The following RBFOX1 variants were observed in gnomAD, a reference collection of about 807,000 sequenced individuals.
RBFOX1 encodes the protein RNA binding fox-1 homolog 1.
Under a neutral mutation model 57.7 loss-of-function variants are expected in RBFOX1, and 8 were observed. That is an observed-to-expected ratio of 0.14 (90% confidence interval 0.08 to 0.25). RBFOX1 has a LOEUF of 0.25. Among genes scored for constraint, RBFOX1 ranks in the 10% least tolerant of loss-of-function variants. The probability of loss-of-function intolerance (pLI) is 1.00; values close to 1 mark genes in which losing one functional copy is unlikely to be tolerated. For synonymous variants in RBFOX1, 326 were observed against 222.4 expected, an observed-to-expected ratio of 1.47 and a Z score of -4.15; for missense variants, 611 against 548.5, an observed-to-expected ratio of 1.11 and a Z score of -1.14.
At chr16:5,239,762 C>CT (rs2062116368), upstream of RBFOX1, 1 of 163,760 alleles carries the variant, frequency 6.1e-6, no homozygotes, top group Non-Finnish European at 1.2e-5. Context: ...CCCGCGCCGG[C>CT]CCCGATGCCC....
At chr16:7,223,123 A>G (rs2092849967) in intron 4 of RBFOX1, among the ~76,000 whole-genome samples, 1 of 152,206 alleles carries the variant, frequency 6.6e-6, no homozygotes, top group South Asian at 2.1e-4. Flanking sequence ...AAGGTAGCTC[A>G]CCACATCTAC....
At chr16:5,605,141 A>G (rs142325249), downstream of RBFOX1, among the ~76,000 whole-genome samples, 644 of 152,244 alleles carry the variant, frequency 4.2e-3, 4 homozygotes, top group African/African-American at 0.015. Context: ...GTGAGTGGTG[A>G]CAGGCTTGTT....
chr16:6,295,194 G>A (rs1380631164), intron 1 of RBFOX1, among the ~76,000 whole-genome samples: 1 of 148,834 alleles, frequency 6.7e-6, no homozygotes, highest in Non-Finnish European at 1.5e-5. Flanking sequence ...TGCGATCTCA[G>A]CTTACTGCAA....
intron 3 of RBFOX1, among the ~76,000 whole-genome samples, chr16:7,013,440 G>C (rs560421346): frequency 1.3e-5 from 2 of 152,272 alleles, no homozygotes; most frequent in East Asian, 3.9e-4. Context: ...TGCTACGACT[G>C]GGAAGAGGAT....
chr16:6,638,845 A>G (rs1004603263), intron 2 of RBFOX1, among the ~76,000 whole-genome samples: 2 of 152,232 alleles, frequency 1.3e-5, no homozygotes, highest in Non-Finnish European at 2.9e-5. Flanking sequence ...GCTGTAGACA[A>G]TAAAGGTTGC....
chr16:6,495,850 G>T (rs2095754924), intron 2 of RBFOX1, among the ~76,000 whole-genome samples: 1 of 152,216 alleles, frequency 6.6e-6, no homozygotes, highest in African/African-American at 2.4e-5. Context: ...ATTGTTGGTT[G>T]TCCATTGTAT....
intron 4 of RBFOX1, among the ~76,000 whole-genome samples, chr16:5,951,487 A>G (rs915541354): frequency 6.6e-6 from 1 of 152,032 alleles, no homozygotes; most frequent in Non-Finnish European, 1.5e-5. Flanking sequence ...GTGTATATAT[A>G]TGTGTGTGTA....
rs576195449 is a variant in RBFOX1, at chr16:7,249,748, T to C, written c.27+197650T>C. 1.3e-4 allele frequency among the ~76,000 whole-genome samples: 20 copies of C among 152,298 alleles called. No homozygotes were observed. The South Asian group carries it at 2.9e-3, about 22-fold the overall frequency. ...TTGTGCTATCTCTGATTTTCCACCA[T>C]AACAAACCGACAGTGATGAGCAACA... On this transcript the variant is annotated intron_variant, in intron 4 of 15. Coordinates refer to ENST00000550418, the MANE Select transcript of RBFOX1 (RefSeq NM_018723.4).
intron 4 of RBFOX1, among the ~76,000 whole-genome samples, chr16:5,995,611 A>G (rs1289847328): frequency 6.6e-6 from 1 of 152,232 alleles, no homozygotes; most frequent in Non-Finnish European, 1.5e-5. Flanking sequence ...AATTTTCTAA[A>G]ATAGAATGGA....
intron 3 of RBFOX1, among the ~76,000 whole-genome samples, chr16:5,856,561 G>GTGTT (rs1344977179): frequency 4.5e-5 from 2 of 44,330 alleles, no homozygotes; most frequent in African/African-American, 2.0e-4. Context: ...GTGTGTGTGT[G>GTGTT]TATGTGTGTG....
intron 3 of RBFOX1, among the ~76,000 whole-genome samples, chr16:6,682,703 T>G (rs2058838202): frequency 6.6e-6 from 1 of 151,890 alleles, no homozygotes; most frequent in South Asian, 2.1e-4. Context: ...GCGCGCAAAA[T>G]TGCCCCCTGT....
chr16:6,703,528 T>G (rs527775345), intron 3 of RBFOX1, among the ~76,000 whole-genome samples: 3 of 151,680 alleles, frequency 2.0e-5, no homozygotes, highest in Admixed American at 6.6e-5. Flanking sequence ...CTAGGCAACA[T>G]ACTGTGACCC....
intron 3 of RBFOX1, among the ~76,000 whole-genome samples, chr16:6,672,612 G>C (rs924798222): frequency 7.2e-5 from 11 of 152,068 alleles, no homozygotes; most frequent in Admixed American, 2.6e-4. Context: ...AAGCATATAA[G>C]ACTACTGACT....
At chr16:5,567,918 A>G (rs1280366433) in intron 2 of RBFOX1, among the ~76,000 whole-genome samples, 1 of 152,190 alleles carries the variant, frequency 6.6e-6, no homozygotes, top group Non-Finnish European at 1.5e-5. Flanking sequence ...AGAGAAGGTA[A>G]GTAACTGGCT....
chr16:6,445,319 A>G (rs938226232), intron 2 of RBFOX1, among the ~76,000 whole-genome samples: 1 of 152,134 alleles, frequency 6.6e-6, no homozygotes, highest in Non-Finnish European at 1.5e-5. Context: ...TACATGTGCC[A>G]TGAAGATTTT....
intron 9 of RBFOX1, among the ~76,000 whole-genome samples, chr16:7,599,151 G>A (rs2094873380): frequency 6.6e-6 from 1 of 152,206 alleles, no homozygotes; most frequent in Non-Finnish European, 1.5e-5. Flanking sequence ...GTGCTGAACT[G>A]AAGCAAACCT....
intron 4 of RBFOX1, among the ~76,000 whole-genome samples, chr16:7,275,848 C>A (rs1287851689): frequency 2.0e-5 from 3 of 152,144 alleles, no homozygotes; most frequent in Non-Finnish European, 4.4e-5. Flanking sequence ...TAGATAATGT[C>A]CACTCCAACC....
chr16:6,770,922 C>G (rs1372472980), intron 3 of RBFOX1, among the ~76,000 whole-genome samples: 1 of 152,118 alleles, frequency 6.6e-6, no homozygotes, highest in African/African-American at 2.4e-5. Context: ...TGAGAATTAC[C>G]TCTTATTTGG....
chr16:6,180,521 T>A (rs970194848), intron 1 of RBFOX1, among the ~76,000 whole-genome samples: 1 of 151,808 alleles, frequency 6.6e-6, no homozygotes, highest in African/African-American at 2.4e-5. Flanking sequence ...TTTTTTTTTC[T>A]TGGTCATTCT....
Sources: gnomAD v4.1 joint callset for allele counts (sites outside exome capture counted in the v4.1 genomes callset) on GRCh38, gnomAD v4.1.1 for gene constraint, MANE v1.5 for transcripts, NCBI Gene and HGNC (gene_info 2026-07-23, HGNC 2026-07-21) for gene names.